Variants in GRIN2C observed in about 807,000 individuals in gnomAD.
The protein encoded by GRIN2C is glutamate ionotropic receptor NMDA type subunit 2C, also known as glutamate receptor ionotropic, NMDA 2C.
A neutral mutation model predicts 77.7 loss-of-function variants in GRIN2C; 64 were observed. The ratio of observed to expected loss-of-function variants is 0.82; its 90% confidence interval spans 0.67 to 1.01. The LOEUF is 1.01. Ranked by LOEUF, GRIN2C falls within the 50% of genes least tolerant of loss-of-function variation. The pLI is 0.00. For synonymous variants in GRIN2C, 792 were observed against 643.4 expected (o/e 1.23, Z -3.49); for missense variants, 1,549 against 1,486.0 (o/e 1.04, Z -0.70).
Position 74,850,964 on chromosome 17 carries a change from C to T in GRIN2C, c.1114-197G>A. 1 of 603,282 alleles carries T rather than the reference C, an allele frequency of 1.7e-6. No homozygotes were observed. Among genetic ancestry groups the T allele is most frequent in the Non-Finnish European group, 3.0e-6 (1 of 337,548 alleles). The allele number at this position is 603,282 out of a possible 1,614,324, so 37.4% of individuals were successfully genotyped here. A position where few individuals can be genotyped will look rare whatever the true frequency, so the allele number is the denominator to read the frequency against. ...GCTCCACACTGACCCACAGCATCTT[C>T]CTAAAGCCCAGACCTGACCCTGTCT... is the stretch of plus-strand genomic sequence containing the variant. On this transcript the variant is annotated intron_variant, in intron 4 of 12. Coordinates refer to ENST00000293190, the MANE Select transcript of GRIN2C (RefSeq NM_000835.6). The surrounding 1 kb of genome is among the most constrained non-coding windows in gnomAD (Gnocchi z 5.3).
rs1186790603 is a variant in GRIN2C, at chr17:74,850,372, C to G, written c.1326-1G>C. The G allele has an allele frequency of 6.2e-7, 1 of 1,610,124 alleles. No homozygotes were observed. The highest frequency in any genetic ancestry group is 1.3e-5 in the African/African-American group (1 of 75,040). On this transcript the variant is annotated splice_acceptor_variant, in intron 5 of 12. Transcript: ENST00000293190. LOFTEE classifies it high-confidence loss of function. The surrounding 1 kb of genome is among the most constrained non-coding windows in gnomAD (Gnocchi z 5.3). The stretch of plus-strand genomic sequence containing the variant: ...GGTGTAGGGGGCCACGTCCCCGCTG[C>G]TGCAGCCATGCCGCCATGAGACCAC...
chr17:74,846,093 G>C lies in GRIN2C; in HGVS notation c.2323C>G (p.Leu775Val). The change falls in exon 11 of 13, where the codon CTG (leucine) becomes GTG (valine). Residue 775 changes from leucine to valine, a missense_variant. Leu to Val is a conservative substitution (Grantham distance 32). Coordinates refer to ENST00000293190, the MANE Select transcript of GRIN2C (RefSeq NM_000835.6). The surrounding 1 kb of genome is among the most constrained non-coding windows in gnomAD (Gnocchi z 4.4). ...KDSHWKRAID[L>V]ALLQFLGDGE... is the part of the protein sequence containing the mutation. ...TCCCCCAGGAACTGCAAGAGCGCCA[G>C]GTCTATGGCCCGCTTCCAGTGGGAG... 6.2e-7 allele frequency: 1 copy of C among 1,614,194 alleles called. No homozygotes were observed.
At position 74,859,507 on chromosome 17, in the gene GRIN2C, C is replaced by T. The variant is rs2037901801; in HGVS notation, c.-16+237G>A. On this transcript the variant is annotated intron_variant, in intron 1 of 12. Coordinates refer to ENST00000293190, the MANE Select transcript of GRIN2C (RefSeq NM_000835.6). The surrounding 1 kb of genome is among the most constrained non-coding windows in gnomAD (Gnocchi z 5.9). ...CCCACCAGCAGAACCCCCGGACCCC[C>T]TGCCCTTCCGGTGAGCCGCCCCTCC... 6.6e-6 allele frequency among the ~76,000 whole-genome samples: 1 copy of T among 152,160 alleles called. No homozygotes were observed. Among genetic ancestry groups the T allele is most frequent in the African/African-American group, 2.4e-5 (1 of 41,454 alleles).
In GRIN2C at chr17:74,847,682, G is replaced by A; in HGVS notation, c.1772-145C>T. The A allele has an allele frequency of 1.2e-6, 1 of 858,348 alleles. No individual in the cohort carries two copies. The allele number at this position is 858,348 out of a possible 1,614,324, so 53.2% of individuals were successfully genotyped here. A position where few individuals can be genotyped will look rare whatever the true frequency, so the allele number is the denominator to read the frequency against. On this transcript the variant is annotated intron_variant, in intron 8 of 12. Coordinates refer to ENST00000293190, the MANE Select transcript of GRIN2C (RefSeq NM_000835.6). The surrounding 1 kb of genome is among the most constrained non-coding windows in gnomAD (Gnocchi z 5.2). The stretch of plus-strand genomic sequence containing the variant: ...TGGCCATTCCCTCGCCAGGTGAAGT[G>A]AGCTCACGTGTGTGTTTCTGTGTGT...
intron 2 of GRIN2C, chr17:74,853,581 G>A (rs1307548111): frequency 6.6e-6 from 1 of 152,144 alleles, no homozygotes. Context: ...TTATCTGCCA[G>A]GGATACATAC....
In GRIN2C at chr17:74,850,386, C is replaced by A; in HGVS notation, c.1326-15G>T. 2 of 1,606,788 alleles carry A rather than the reference C, an allele frequency of 1.2e-6. No homozygotes were observed. Among genetic ancestry groups the A allele is most frequent in the Non-Finnish European group, 1.7e-6 (2 of 1,179,654 alleles). On this transcript the variant is annotated splice_polypyrimidine_tract_variant and intron_variant, in intron 5 of 12. Coordinates refer to ENST00000293190, the MANE Select transcript of GRIN2C (RefSeq NM_000835.6). The surrounding 1 kb of genome is among the most constrained non-coding windows in gnomAD (Gnocchi z 5.3). ...CGTCCCCGCTGCTGCAGCCATGCCG[C>A]CATGAGACCACCGGGAGTCAGAGTA...
chr17:74,844,415 A>T lies in GRIN2C; in HGVS notation c.2444T>A (p.Met815Lys). 2 of 1,614,168 alleles carry T rather than the reference A, an allele frequency of 1.2e-6. No individual in the cohort carries two copies. Among genetic ancestry groups the T allele is most frequent in the Non-Finnish European group, 1.7e-6 (2 of 1,180,024 alleles). The change falls in exon 12 of 13, where the codon ATG (methionine) becomes AAG (lysine). Residue 815 changes from methionine (M) to lysine (K), a missense_variant. Coordinates refer to ENST00000293190, the MANE Select transcript of GRIN2C (RefSeq NM_000835.6). The stretch of plus-strand genomic sequence containing the variant: ...CAGCAGCATGTAGAAGACGCCTGCC[A>T]TGTTGTCGATGTCCAGCTTGCTGCT... The part of the protein sequence containing the change: ...VMSSKLDIDN[M>K]AGVFYMLLVA...
At position 74,844,522 on chromosome 17, in the gene GRIN2C, G is replaced by T; in HGVS notation, c.2351-14C>A. ...TCTGTGTCTCTCCTGGAGTTGGGGG[G>T]TGTACACATCTGGCTCAGGAAACCC... On this transcript the variant is annotated splice_polypyrimidine_tract_variant and intron_variant, in intron 11 of 12. Coordinates refer to ENST00000293190, the MANE Select transcript of GRIN2C (RefSeq NM_000835.6). 1.2e-6 allele frequency: 2 copies of T among 1,611,722 alleles called. No individual in the cohort carries two copies. The highest frequency in any genetic ancestry group is 1.7e-6 in the Non-Finnish European group (2 of 1,178,024).
chr17:74,850,728 G>T lies in GRIN2C; in HGVS notation c.1153C>A (p.Pro385Thr), dbSNP rs1374475832. Residue 385 changes from proline to threonine, a missense_variant, in exon 5 of 13, where the codon CCC becomes ACC. By Grantham distance (38) the Pro-to-Thr change is conservative. Around this residue, in one of 3 missense-constraint regions of GRIN2C, gnomAD observed 717 missense variants for 858.1 expected, o/e 0.84. Coordinates refer to ENST00000293190, the MANE Select transcript of GRIN2C (RefSeq NM_000835.6). This position sits in a 1 kb window ranked among gnomAD's most constrained non-coding sequence, Gnocchi z 5.3. ...GAGGCACTGTAGCGAGGCCACACGG[G>T]GTACTTCATGTATAGGACGCCATGC... is the stretch of plus-strand genomic sequence containing the variant. ...WEHGVLYMKY[P>T]VWPRYSASLQ... 5 of 1,613,386 alleles carry T rather than the reference G, an allele frequency of 3.1e-6. No individual in the cohort carries two copies. Among genetic ancestry groups the T allele is most frequent in the Non-Finnish European group, 4.2e-6 (5 of 1,179,976 alleles).
In GRIN2C at chr17:74,849,718, T is replaced by C; in HGVS notation, c.1645+62A>G. 2 of 1,518,614 alleles carry C rather than the reference T, an allele frequency of 1.3e-6. No homozygotes were observed. Among genetic ancestry groups the C allele is most frequent in the Non-Finnish European group, 1.8e-6 (2 of 1,114,498 alleles). The allele number at this position is 1,518,614 out of a possible 1,614,324, so 94.1% of individuals were successfully genotyped here. A position where few individuals can be genotyped will look rare whatever the true frequency, so the allele number is the denominator to read the frequency against. On this transcript the variant is annotated intron_variant, in intron 7 of 12. Coordinates refer to ENST00000293190, the MANE Select transcript of GRIN2C (RefSeq NM_000835.6). This position sits in a 1 kb window ranked among gnomAD's most constrained non-coding sequence, Gnocchi z 4.6. ...CAACTCCCCATCCCCACCCAAGCTG[T>C]ACACACCCTCCTCGTGGGCCCCTCT...
Position 74,850,592 on chromosome 17 carries a change from G to T in GRIN2C, c.1289C>A (p.Thr430Asn), listed in dbSNP as rs1425651345. The change falls in exon 5 of 13, where the codon ACC becomes AAC. Residue 430 changes from threonine to asparagine, a missense_variant. Physicochemically the swap from Thr to Asn is moderately conservative, Grantham distance 65. This residue lies in a region of GRIN2C where 717 missense variants were observed against 858.1 expected (regional missense o/e 0.84). Transcript: ENST00000293190. This position sits in a 1 kb window ranked among gnomAD's most constrained non-coding sequence, Gnocchi z 5.3. ...GTTGCTCTGCCTGCGGCAGGGCACG[G>T]TGTTGGGGACACAGCCTCCTGTGCC... is the stretch of plus-strand genomic sequence containing the variant. Reference protein sequence around the residue: ...DPGTGGCVPNTVPCRRQSNHT... With the variant: ...DPGTGGCVPNNVPCRRQSNHT... 1 of 1,613,452 alleles carries T rather than the reference G, an allele frequency of 6.2e-7. No individual in the cohort carries two copies. Among genetic ancestry groups the T allele is most frequent in the Non-Finnish European group, 8.5e-7 (1 of 1,180,026 alleles).
At chr17:74,854,610 C>A in intron 2 of GRIN2C, 84 bp downstream of exon 2, 1 of 1,182,316 alleles carries the variant, frequency 8.5e-7, no homozygotes, top group Non-Finnish European at 1.2e-6. Flanking sequence ...CCCGTCTAAT[C>A]CCAGCTTCCC....
Position 74,847,148 on chromosome 17 carries a change from T to TGC in GRIN2C, c.2001+158_2001+159dup. 1.4e-6 allele frequency: 1 copy of TGC among 728,388 alleles called. No individual in the cohort carries two copies. The highest frequency in any genetic ancestry group is 2.7e-5 in the East Asian group (1 of 37,232). The allele number at this position is 728,388 out of a possible 1,614,324, so 45.1% of individuals were successfully genotyped here. A position where few individuals can be genotyped will look rare whatever the true frequency, so the allele number is the denominator to read the frequency against. On this transcript the variant is annotated intron_variant, in intron 9 of 12. Coordinates refer to ENST00000293190, the MANE Select transcript of GRIN2C (RefSeq NM_000835.6). The surrounding 1 kb of genome is among the most constrained non-coding windows in gnomAD (Gnocchi z 5.2). ...CAGCCGGTGGCCCTGAGCCATCTCTTGCCCCAGCCCCCAACCCCTTCTCAG... is the reference window on the plus strand; with the variant it reads ...CAGCCGGTGGCCCTGAGCCATCTCTTGCGCCCCAGCCCCCAACCCCTTCTCAG...
At position 74,846,611 on chromosome 17, in the gene GRIN2C, C is replaced by G; in HGVS notation, c.2162+149G>C. The G allele has an allele frequency of 4.9e-6, 4 of 822,498 alleles. No individual in the cohort carries two copies. The South Asian group carries it at 5.4e-5, about 11-fold the overall frequency. The allele number at this position is 822,498 out of a possible 1,614,324, so 50.9% of individuals were successfully genotyped here. A position where few individuals can be genotyped will look rare whatever the true frequency, so the allele number is the denominator to read the frequency against. On this transcript the variant is annotated intron_variant, in intron 10 of 12. Transcript: ENST00000293190. This position sits in a 1 kb window ranked among gnomAD's most constrained non-coding sequence, Gnocchi z 4.4. ...ACATGGTGGCCTTCCATTTTTGCCT[C>G]AAGCTCCACTCTGCCCCAAGACCTC...
chr17:74,851,003 G>A, intron 4 of GRIN2C: 1 of 582,346 alleles, frequency 1.7e-6, no homozygotes, highest in Non-Finnish European at 3.1e-6. Flanking sequence ...TCACTGTACT[G>A]GTCCCCCCTG....
At chr17:74,860,577 T>C (rs1567904289), upstream of GRIN2C, 1 of 445,032 alleles carries the variant, frequency 2.2e-6, no homozygotes. Flanking sequence ...CTCCCCGCCG[T>C]CGGGGATCCT....
At position 74,850,931 on chromosome 17, in the gene GRIN2C, T is replaced by A. The variant is rs1260067970; in HGVS notation, c.1114-164A>T. The A allele has an allele frequency of 6.3e-6, 4 of 633,068 alleles. No homozygotes were observed. In the African/African-American group the frequency reaches 7.3e-5, roughly 12 times the overall value. The allele number at this position is 633,068 out of a possible 1,614,324, so 39.2% of individuals were successfully genotyped here. A position where few individuals can be genotyped will look rare whatever the true frequency, so the allele number is the denominator to read the frequency against. The stretch of plus-strand genomic sequence containing the variant: ...CCTCCCCCAGCCTCGGGTCCCTGTG[T>A]TCATACAGCTCCACACTGACCCACA... On this transcript the variant is annotated intron_variant, in intron 4 of 12. Coordinates refer to ENST00000293190, the MANE Select transcript of GRIN2C (RefSeq NM_000835.6). The surrounding 1 kb of genome is among the most constrained non-coding windows in gnomAD (Gnocchi z 5.3).
rs1297847536 is a variant in GRIN2C, at chr17:74,842,735, C to G, written c.3402G>C (p.Glu1134Asp). The change falls in exon 13 of 13, where the codon GAG (glutamate) becomes GAC (aspartate). Residue 1134 changes from glutamate to aspartate, a missense_variant. Glu to Asp is a conservative substitution (Grantham distance 45). Coordinates refer to ENST00000293190, the MANE Select transcript of GRIN2C (RefSeq NM_000835.6). The part of the protein sequence containing the change: ...CLPIYREACQ[E>D]GEQAGAPAWQ... ...AGGCGGGGGCCCCTGCCTGCTCGCCCTCCTGGCAGGCCTCCCGGTAGATCG... is the reference window on the plus strand; with the variant it reads ...AGGCGGGGGCCCCTGCCTGCTCGCCGTCCTGGCAGGCCTCCCGGTAGATCG... 2 of 704,882 alleles carry G rather than the reference C, an allele frequency of 2.8e-6. No individual in the cohort carries two copies. The highest frequency in any genetic ancestry group is 3.5e-5 in the African/African-American group (2 of 57,038). The allele number at this position is 704,882 out of a possible 1,614,324, so 43.7% of individuals were successfully genotyped here.
In GRIN2C at chr17:74,852,327, G is replaced by A. The variant is rs753188743; in HGVS notation, c.684C>T (p.Cys228=). 3.0e-5 allele frequency: 43 copies of A among 1,456,448 alleles called. No homozygotes were observed. The South Asian group carries it at 5.3e-4, about 18-fold the overall frequency. 90.2% of individuals were successfully genotyped at this position (1,456,448 alleles called of 1,614,324 possible). A position where few individuals can be genotyped will look rare whatever the true frequency, so the allele number is the denominator to read the frequency against. Residue 228 remains cysteine, a synonymous_variant, in exon 3 of 13, where the codon TGC becomes TGT. Transcript: ENST00000293190. The part of the protein sequence containing the change: ...QLDAPVFVAY[C]SREEAEVLFA... ...AGAGCACCTCGGCCTCCTCGCGCGAGCAGTAGGCCACAAACACGGGCGCGT... is the reference window on the plus strand; with the variant it reads ...AGAGCACCTCGGCCTCCTCGCGCGAACAGTAGGCCACAAACACGGGCGCGT...
Sources: allele counts gnomAD v4.1 joint callset (sites outside exome capture counted in the v4.1 genomes callset), GRCh38; gene constraint gnomAD v4.1.1; regional missense constraint gnomAD v4.1.1; non-coding constraint Gnocchi (gnomAD v3.1); transcripts MANE v1.5; gene names NCBI Gene and HGNC (gene_info 2026-07-23, HGNC 2026-07-21).